SGCZ: variants seen among roughly 807,000 people sequenced by gnomAD.
SGCZ encodes sarcoglycan zeta.
Under a neutral mutation model 41.3 loss-of-function variants are expected in SGCZ, and 40 were observed. The ratio of observed to expected loss-of-function variants is 0.97; its 90% CI spans 0.75 to 1.26. The LOEUF (loss-of-function observed/expected upper bound fraction) is 1.26. SGCZ is among the 50% of genes most tolerant of loss of function. SGCZ has a pLI of 0.00. For missense variants in SGCZ, 552 were observed against 369.8 expected, an observed-to-expected ratio of 1.49 and a Z score of -4.04; for synonymous variants, 206 against 137.5, an observed-to-expected ratio of 1.50 and a Z score of -3.49.
At position 14,848,345 on chromosome 8, in the gene SGCZ, G is replaced by A. The variant is rs1467699881; in HGVS notation, c.40-293419C>T. Among the ~76,000 whole-genome samples the A allele has an allele frequency of 4.6e-5, 7 of 152,090 alleles. No individual in the cohort carries two copies. The East Asian group carries it at 1.4e-3, about 29-fold the overall frequency. On this transcript the variant is annotated intron_variant, in intron 1 of 7. Coordinates refer to ENST00000382080, the MANE Select transcript of SGCZ (RefSeq NM_139167.4). ...GTCATTTGACTTTTCTGTGGAAATT[G>A]ACAAAATCACTTCAAATTCATATTT...
chr8:14,330,026 G>A (rs911276062), intron 2 of SGCZ, among the ~76,000 whole-genome samples: 6 of 151,966 alleles, frequency 3.9e-5, no homozygotes, highest in East Asian at 1.9e-4. Flanking sequence ...TGCTCTTACC[G>A]TATTCCAAAG....
At chr8:14,810,182 A>G (rs1314985160) in intron 1 of SGCZ, among the ~76,000 whole-genome samples, 1 of 152,076 alleles carries the variant, frequency 6.6e-6, no homozygotes, top group Non-Finnish European at 1.5e-5. Flanking sequence ...TAAAAAAGAA[A>G]TAACAAGATA....
intron 2 of SGCZ, among the ~76,000 whole-genome samples, chr8:14,477,837 A>T (rs1305441876): frequency 6.6e-6 from 1 of 152,206 alleles, no homozygotes; most frequent in African/African-American, 2.4e-5. Context: ...GTTTTATATC[A>T]TCACCAACTT....
intron 5 of SGCZ, among the ~76,000 whole-genome samples, chr8:14,123,446 A>C (rs963567394): frequency 3.9e-5 from 6 of 152,182 alleles, no homozygotes; most frequent in Non-Finnish European, 8.8e-5. Flanking sequence ...TACTATACTT[A>C]ATATAGAGAG....
intron 2 of SGCZ, among the ~76,000 whole-genome samples, chr8:14,422,031 T>A (rs1045558853): frequency 6.6e-6 from 1 of 152,096 alleles, no homozygotes; most frequent in Admixed American, 6.6e-5. Context: ...CTTATATGGG[T>A]TTAATTTCTT....
At chr8:14,788,480 C>T (rs1800845055) in intron 1 of SGCZ, among the ~76,000 whole-genome samples, 4 of 152,140 alleles carry the variant, frequency 2.6e-5, no homozygotes, top group African/African-American at 7.2e-5. Flanking sequence ...TTTGTTGGGG[C>T]AGCTATTGTT....
At chr8:14,853,833 C>A (rs1269429344) in intron 1 of SGCZ, among the ~76,000 whole-genome samples, 2 of 151,640 alleles carry the variant, frequency 1.3e-5, no homozygotes, top group African/African-American at 2.4e-5. Context: ...TCAGATGAAC[C>A]AGAAGACCAA....
intron 1 of SGCZ, among the ~76,000 whole-genome samples, chr8:14,598,130 T>C: frequency 6.6e-6 from 1 of 152,166 alleles, no homozygotes. Flanking sequence ...ATAAAATGAT[T>C]ATTTCTTTAC....
intron 2 of SGCZ, among the ~76,000 whole-genome samples, chr8:14,361,186 C>A (rs1470013359): frequency 6.6e-6 from 1 of 152,096 alleles, no homozygotes; most frequent in Non-Finnish European, 1.5e-5. Context: ...ATTTATTGGT[C>A]ATTTTATCAA....
chr8:14,447,811 G>T (rs1366991983), intron 2 of SGCZ, among the ~76,000 whole-genome samples: 1 of 152,132 alleles, frequency 6.6e-6, no homozygotes, highest in Non-Finnish European at 1.5e-5. Flanking sequence ...ACTTTGCATT[G>T]TTTGATCTTC....
intron 4 of SGCZ, among the ~76,000 whole-genome samples, chr8:14,224,819 T>G (rs1806317761): frequency 1.3e-5 from 2 of 152,280 alleles, no homozygotes; most frequent in African/African-American, 2.4e-5. Flanking sequence ...TTGGAAACAC[T>G]TATCAAATTC....
intron 3 of SGCZ, among the ~76,000 whole-genome samples, chr8:14,296,577 T>C (rs1489503403): frequency 6.6e-6 from 1 of 152,108 alleles, no homozygotes; most frequent in African/African-American, 2.4e-5. Flanking sequence ...ATATATGAAG[T>C]TTAGAAAGGT....
At chr8:14,738,393 C>G (rs1799109476) in intron 1 of SGCZ, among the ~76,000 whole-genome samples, 1 of 152,036 alleles carries the variant, frequency 6.6e-6, no homozygotes, top group African/African-American at 2.4e-5. Context: ...CATTTGTTAT[C>G]AAATTACTTT....
chr8:14,927,596 A>C (rs28741049), intron 1 of SGCZ, among the ~76,000 whole-genome samples: 18,604 of 152,062 alleles, frequency 0.12, 1,295 homozygotes, highest in African/African-American at 0.19. Flanking sequence ...GAGAAAGGAA[A>C]AACCAAGGAG....
chr8:14,368,263 G>A (rs990663453), intron 2 of SGCZ, among the ~76,000 whole-genome samples: 15 of 151,880 alleles, frequency 9.9e-5, no homozygotes, highest in African/African-American at 3.4e-4. Context: ...TAATTCATAT[G>A]TTCTAACTGC....
intron 1 of SGCZ, among the ~76,000 whole-genome samples, chr8:15,030,484 G>A (rs117831553): frequency 0.036 from 5,416 of 152,152 alleles, 166 homozygotes; most frequent in South Asian, 0.14. Flanking sequence ...GTGAAAATTT[G>A]TGTCTAAAGC....
chr8:14,711,882 A>G (rs900896600), intron 1 of SGCZ, among the ~76,000 whole-genome samples: 2 of 152,176 alleles, frequency 1.3e-5, no homozygotes, highest in Non-Finnish European at 2.9e-5. Context: ...TTGAAAGCCA[A>G]TATACTGAGG....
chr8:14,200,629 G>C (rs550709392), intron 4 of SGCZ, among the ~76,000 whole-genome samples: 1 of 151,890 alleles, frequency 6.6e-6, no homozygotes, highest in African/African-American at 2.4e-5. Flanking sequence ...GTTTTGTTTT[G>C]TTTTTCCAAC....
At chr8:14,901,614 G>A (rs1187700868) in intron 1 of SGCZ, among the ~76,000 whole-genome samples, 1 of 151,944 alleles carries the variant, frequency 6.6e-6, no homozygotes, top group African/African-American at 2.4e-5. Context: ...AAATTTTCGG[G>A]TGAAAAAATC....
Sources: allele counts gnomAD v4.1 joint callset (sites outside exome capture counted in the v4.1 genomes callset), GRCh38; gene constraint gnomAD v4.1.1; transcripts MANE v1.5; gene names NCBI Gene and HGNC (gene_info 2026-07-23, HGNC 2026-07-21).